ST7: variants seen among roughly 807,000 people sequenced by gnomAD.
The protein encoded by ST7 is suppressor of tumorigenicity 7 protein.
A neutral mutation model predicts 78.7 loss-of-function variants in ST7; 28 were observed. The ratio of observed to expected loss-of-function variants is 0.36; its 90% CI spans 0.26 to 0.49. The LOEUF is 0.49. Ranked by LOEUF, ST7 falls within the 20% of genes least tolerant of loss-of-function variation. The probability of loss-of-function intolerance (pLI) is 0.99; values close to 1 mark genes in which losing one functional copy is unlikely to be tolerated. For missense variants in ST7, 418 were observed against 696.0 expected, an observed-to-expected ratio of 0.60 and a Z score of 4.49; for synonymous variants, 247 against 249.6, an observed-to-expected ratio of 0.99 and a Z score of 0.10.
intron 1 of ST7, among the ~76,000 whole-genome samples, chr7:117,017,387 C>G (rs1795665014): frequency 6.6e-6 from 1 of 152,216 alleles, no homozygotes; most frequent in Non-Finnish European, 1.5e-5. Context: ...TTAAAAGTGA[C>G]TGTTGACTGA....
chr7:117,179,425 A>AACAG (rs1470908229), intron 10 of ST7, among the ~76,000 whole-genome samples: 1 of 152,198 alleles, frequency 6.6e-6, no homozygotes, highest in Non-Finnish European at 1.5e-5. Context: ...GAAGTAAGAG[A>AACAG]ACAGGCAATT....
chr7:117,114,961 T>C (rs1179009067), intron 2 of ST7, among the ~76,000 whole-genome samples: 1 of 152,216 alleles, frequency 6.6e-6, no homozygotes, highest in Non-Finnish European at 1.5e-5. Context: ...GCCCCAGTGC[T>C]CCTTGGTTAT....
intron 12 of ST7, among the ~76,000 whole-genome samples, chr7:117,193,712 T>C (rs762548674): frequency 5.3e-5 from 8 of 152,252 alleles, no homozygotes; most frequent in Non-Finnish European, 1.0e-4. Flanking sequence ...ATATCTTAAA[T>C]GATGTGACTT....
chr7:117,132,100 A>AT, intron 6 of ST7, 140 bp downstream of exon 6: 2 of 862,576 alleles, frequency 2.3e-6, no homozygotes, highest in Non-Finnish European at 1.7e-6. Context: ...TATTTAAAAA[A>AT]GTTTTTTTTT....
At chr7:117,200,659 G>T (rs956867234) in intron 12 of ST7, among the ~76,000 whole-genome samples, 3 of 152,186 alleles carry the variant, frequency 2.0e-5, no homozygotes, top group Admixed American at 2.0e-4. Flanking sequence ...TTTCAGCAGC[G>T]GGGCAGACTG....
intron 1 of ST7, among the ~76,000 whole-genome samples, chr7:117,029,618 A>G (rs1309642965): frequency 6.6e-6 from 1 of 152,030 alleles, no homozygotes; most frequent in Non-Finnish European, 1.5e-5. Context: ...CTATGTAAAA[A>G]TATTTTGCTT....
chr7:117,135,179 T>C (rs907673017), intron 7 of ST7, among the ~76,000 whole-genome samples: 1 of 152,050 alleles, frequency 6.6e-6, no homozygotes, highest in Admixed American at 6.6e-5. Context: ...ATTCCCTTTC[T>C]TTGGCAGTGG....
At chr7:117,140,624 C>G in intron 9 of ST7, among the ~76,000 whole-genome samples, 1 of 152,010 alleles carries the variant, frequency 6.6e-6, no homozygotes, top group East Asian at 1.9e-4. Context: ...GTTAATTTCT[C>G]TCTTCCTCTC....
chr7:117,189,758 T>G (rs1809604909), intron 11 of ST7, among the ~76,000 whole-genome samples: 1 of 152,196 alleles, frequency 6.6e-6, no homozygotes, highest in African/African-American at 2.4e-5. Flanking sequence ...CTGGGTAGTG[T>G]CATACACACG....
intron 9 of ST7, among the ~76,000 whole-genome samples, chr7:117,148,321 T>G (rs1190160039): frequency 6.6e-6 from 1 of 152,218 alleles, no homozygotes; most frequent in Non-Finnish European, 1.5e-5. Context: ...GAATACCTAC[T>G]CTAACTTATT....
chr7:116,985,177 G>A (rs1021573011), intron 1 of ST7, among the ~76,000 whole-genome samples: 1 of 152,144 alleles, frequency 6.6e-6, no homozygotes, highest in Non-Finnish European at 1.5e-5. Flanking sequence ...GGTAGGATTT[G>A]ATGAAAATTT....
At chr7:116,987,384 C>T (rs1233550816) in intron 1 of ST7, among the ~76,000 whole-genome samples, 1 of 152,164 alleles carries the variant, frequency 6.6e-6, no homozygotes, top group East Asian at 1.9e-4. Context: ...GCCTTTGGGC[C>T]TGCTGTGGCA....
Position 117,156,041 on chromosome 7 carries a change from C to T in ST7, c.964-14821C>T, listed in dbSNP as rs368403715. ...TTCCCTGATTGCTATATTTAAAAAT[C>T]ACATCTGCCTGTGCTGTACCAACAT... is the stretch of plus-strand genomic sequence containing the variant. On this transcript the variant is annotated intron_variant, in intron 9 of 15. Transcript: ENST00000323984. Among the ~76,000 whole-genome samples the T allele has an allele frequency of 8.9e-4, 136 of 152,344 alleles. 2 individuals carry two copies. In the South Asian group the frequency reaches 0.027, roughly 30 times the overall value.
At chr7:117,113,856 A>G (rs1802633124) in intron 2 of ST7, among the ~76,000 whole-genome samples, 1 of 151,940 alleles carries the variant, frequency 6.6e-6, no homozygotes, top group Non-Finnish European at 1.5e-5. Context: ...GATGAATGAC[A>G]CAGGCTGGCT....
At chr7:117,135,243 A>G (rs563752488) in intron 7 of ST7, among the ~76,000 whole-genome samples, 35 of 152,074 alleles carry the variant, frequency 2.3e-4, no homozygotes, top group Non-Finnish European at 3.7e-4. Flanking sequence ...CCCCATGTTC[A>G]TTAATTATCC....
intron 1 of ST7, among the ~76,000 whole-genome samples, chr7:117,095,247 C>G (rs1251451939): frequency 6.6e-6 from 1 of 152,206 alleles, no homozygotes; most frequent in East Asian, 1.9e-4. Flanking sequence ...CAGAACGTGG[C>G]TGGCTTCTTA....
intron 2 of ST7, among the ~76,000 whole-genome samples, chr7:117,105,491 AG>A (rs1801885418): frequency 6.6e-6 from 1 of 152,188 alleles, no homozygotes; most frequent in Admixed American, 6.5e-5. Context: ...TATATTGCCC[AG>A]GCTGGTGTTG....
At chr7:117,105,692 A>T (rs1220247322) in intron 2 of ST7, among the ~76,000 whole-genome samples, 1 of 152,286 alleles carries the variant, frequency 6.6e-6, no homozygotes, top group Non-Finnish European at 1.5e-5. Flanking sequence ...ATTTCAGAAT[A>T]GTCAGAAGAG....
intron 12 of ST7, chr7:117,198,377 C>A (rs750718073): frequency 4.4e-6 from 2 of 453,672 alleles, no homozygotes; most frequent in South Asian, 3.1e-5. Flanking sequence ...TCTTGGGCCA[C>A]CCTAGCCTGA....
Sources: allele counts gnomAD v4.1 joint callset (sites outside exome capture counted in the v4.1 genomes callset), GRCh38; gene constraint gnomAD v4.1.1; transcripts MANE v1.5; gene names NCBI Gene and HGNC (gene_info 2026-07-23, HGNC 2026-07-21).